Variants in UIMC1 observed in about 807,000 individuals in gnomAD.
UIMC1 encodes ubiquitin interaction motif containing 1.
In UIMC1, 42 loss-of-function variants were observed where a neutral mutation model predicts 84.9. That is an observed-to-expected ratio of 0.49 (90% CI 0.39 to 0.64). The LOEUF (loss-of-function observed/expected upper bound fraction) is 0.64, where lower values mean the gene tolerates loss of function less well. Ranked by LOEUF, UIMC1 falls within the 30% of genes least tolerant of loss-of-function variation. UIMC1 has a pLI of 0.00. For synonymous variants in UIMC1, 281 were observed against 293.0 expected, an observed-to-expected ratio of 0.96 and a Z score of 0.42; for missense variants, 825 against 847.6, an observed-to-expected ratio of 0.97 and a Z score of 0.33.
Position 176,980,987 on chromosome 5 carries a change from T to C in UIMC1, c.147+1482A>G, listed in dbSNP as rs528135647. Among the ~76,000 whole-genome samples the C allele has an allele frequency of 2.6e-5, 4 of 151,730 alleles. No individual in the cohort carries two copies. The East Asian group carries it at 7.7e-4, about 29-fold the overall frequency. On this transcript the variant is annotated intron_variant, in intron 2 of 14. Coordinates refer to ENST00000511320, the MANE Select transcript of UIMC1 (RefSeq NM_001199298.2). ...AACGCCTGGCCTCAAGCAATCCTCC[T>C]GTCTAAGCTTCCCGAAGCACTGGGA...
At chr5:176,907,861 G>GT (rs1759599318) in intron 12 of UIMC1, among the ~76,000 whole-genome samples, 1 of 152,138 alleles carries the variant, frequency 6.6e-6, no homozygotes, top group African/African-American at 2.4e-5. Flanking sequence ...TAATAGTTCC[G>GT]TATCAGAAAA....
intron 7 of UIMC1, among the ~76,000 whole-genome samples, chr5:176,956,912 CCAGA>C (rs1253223972): frequency 2.6e-5 from 4 of 151,950 alleles, no homozygotes; most frequent in Non-Finnish European, 4.4e-5. Flanking sequence ...TAAACCCCAG[CCAGA>C]CAGTTTACTC....
At chr5:176,982,652 A>G in intron 1 of UIMC1, 29 bp from the exon 2 acceptor site, 1 of 1,582,454 alleles carries the variant, frequency 6.3e-7, no homozygotes, top group Admixed American at 2.0e-5. Flanking sequence ...AATTTTGTCT[A>G]GAATAAAAAG....
In UIMC1 at chr5:176,969,677, G is replaced by A. The variant is rs1201337773; in HGVS notation, c.387C>T (p.Thr129=). 1.2e-6 allele frequency: 2 copies of A among 1,614,098 alleles called. No homozygotes were observed. Residue 129 remains threonine (T), a synonymous_variant, in exon 5 of 15, where the codon ACC becomes ACT. Coordinates refer to ENST00000511320, the MANE Select transcript of UIMC1 (RefSeq NM_001199298.2). ...NSCRPSDASA[T]RSRPLATGPS... is the part of the protein sequence containing the mutation. ...GTCCAGTGGCCAGAGGTCGAGATCT[G>A]GTAGCGGAAGCATCAGAAGGCCGGC...
intron 1 of UIMC1, among the ~76,000 whole-genome samples, chr5:176,982,943 C>G (rs1250035391): frequency 6.6e-6 from 1 of 152,170 alleles, no homozygotes; most frequent in Non-Finnish European, 1.5e-5. Context: ...AGGTGATCCA[C>G]CCGTGTCAGC....
Position 176,943,453 on chromosome 5 carries a change from A to C in UIMC1, c.1479T>G (p.Ala493=), listed in dbSNP as rs1380665574. 1.2e-6 allele frequency: 2 copies of C among 1,614,020 alleles called. No homozygotes were observed. Among genetic ancestry groups the C allele is most frequent in the African/African-American group, 1.3e-5 (1 of 74,930 alleles). ...GGTTACTGGATGAGAAGGTAGAAATAGCTACTTCCTTCTCAGCATCTTCCT... is the reference window on the plus strand; with the variant it reads ...GGTTACTGGATGAGAAGGTAGAAATCGCTACTTCCTTCTCAGCATCTTCCT... The part of the protein sequence containing the change: ...GNKEDAEKEV[A]ISTFSSSNQV... The change falls in exon 10 of 15, where the codon GCT becomes GCG. Residue 493 remains alanine (A), a synonymous_variant. Coordinates refer to ENST00000511320, the MANE Select transcript of UIMC1 (RefSeq NM_001199298.2).
At chr5:177,015,546 G>A (rs777419872) in intron 1 of UIMC1, among the ~76,000 whole-genome samples, 5 of 152,190 alleles carry the variant, frequency 3.3e-5, no homozygotes, top group African/African-American at 4.8e-5. Flanking sequence ...GTGATGAGGA[G>A]GAGCAACCTT....
chr5:176,992,407 T>G (rs1773003392), intron 1 of UIMC1, among the ~76,000 whole-genome samples: 1 of 149,630 alleles, frequency 6.7e-6, no homozygotes, highest in Non-Finnish European at 1.5e-5. Context: ...GAAGGATCAC[T>G]AGAACTCAAG....
intron 1 of UIMC1, among the ~76,000 whole-genome samples, chr5:177,000,760 A>G (rs1161326042): frequency 1.3e-5 from 2 of 152,000 alleles, no homozygotes; most frequent in African/African-American, 4.8e-5. Flanking sequence ...TCGGACTCCC[A>G]AAGTGCTGGG....
In UIMC1 at chr5:176,969,686, A is replaced by T; in HGVS notation, c.378T>A (p.Ala126=). 1 of 1,614,192 alleles carries T rather than the reference A, an allele frequency of 6.2e-7. No homozygotes were observed. The highest frequency in any genetic ancestry group is 2.2e-5 in the East Asian group (1 of 44,884). The change falls in exon 5 of 15, where the codon GCT becomes GCA. Residue 126 remains alanine (A), a synonymous_variant. Transcript: ENST00000511320. ...CCAGAGGTCGAGATCTGGTAGCGGA[A>T]GCATCAGAAGGCCGGCAACTCTGAA... ...ESLNSCRPSD[A]SATRSRPLAT... is the part of the protein sequence containing the mutation.
intron 10 of UIMC1, among the ~76,000 whole-genome samples, chr5:176,912,686 G>C (rs1356836631): frequency 6.8e-6 from 1 of 147,190 alleles, no homozygotes; most frequent in African/African-American, 2.5e-5. Context: ...TTTTTTTTGA[G>C]ATGGAGTCTC....
chr5:177,007,472 C>T (rs528543687), upstream of UIMC1, among the ~76,000 whole-genome samples: 12 of 152,120 alleles, frequency 7.9e-5, no homozygotes, highest in South Asian at 2.5e-3. Flanking sequence ...TCCAATAAGT[C>T]TCGCATAAAT....
At chr5:177,022,550 C>G (rs1025658305) in exon 1 of UIMC1, 2 of 586,836 alleles carry the variant, frequency 3.4e-6, no homozygotes, top group Non-Finnish European at 5.6e-6. Context: ...CGACAGGTTT[C>G]CGAATCCACG....
intron 9 of UIMC1, among the ~76,000 whole-genome samples, chr5:176,947,762 G>A (rs1006423089): frequency 6.6e-6 from 1 of 151,732 alleles, no homozygotes; most frequent in African/African-American, 2.4e-5. Flanking sequence ...AGCTTGCAGA[G>A]CCGAGATTGC....
At position 176,969,666 on chromosome 5, in the gene UIMC1, G is replaced by T; in HGVS notation, c.398C>A (p.Pro133His). The change falls in exon 5 of 15, where the codon CCT (proline) becomes CAT (histidine). Residue 133 changes from proline (P) to histidine (H), a missense_variant. Pro to His is a moderately conservative substitution (Grantham distance 77, BLOSUM62 -2). Transcript: ENST00000511320. Reference protein sequence around the residue: ...PSDASATRSRPLATGPSSQSH... With the variant: ...PSDASATRSRHLATGPSSQSH... ...CTGGGAAGACGGTCCAGTGGCCAGA[G>T]GTCGAGATCTGGTAGCGGAAGCATC... 6.2e-7 allele frequency: 1 copy of T among 1,614,108 alleles called. No individual in the cohort carries two copies. Among genetic ancestry groups the T allele is most frequent in the Non-Finnish European group, 8.5e-7 (1 of 1,180,024 alleles).
intron 1 of UIMC1, among the ~76,000 whole-genome samples, chr5:177,006,091 GGCGCCCCGAGGCGTGAGGCGGC>G (rs1775223047): frequency 3.9e-5 from 6 of 152,182 alleles, no homozygotes; most frequent in Admixed American, 3.9e-4. Flanking sequence ...GCGCGGGCCT[GGCGCCCCGAGGCGTGAGGCGGC>G]GCGGACCACG....
chr5:176,988,722 T>C (rs995859257), intron 1 of UIMC1, among the ~76,000 whole-genome samples: 1 of 150,236 alleles, frequency 6.7e-6, no homozygotes, highest in Non-Finnish European at 1.5e-5. Context: ...TCTTACTCTG[T>C]TGCCAGGCTG....
Position 176,909,269 on chromosome 5 carries a change from T to C in UIMC1, c.1677-575A>G, listed in dbSNP as rs573802255. Among the ~76,000 whole-genome samples the C allele has an allele frequency of 3.3e-5, 5 of 152,344 alleles. No individual in the cohort carries two copies. In the East Asian group the frequency reaches 9.6e-4, roughly 29 times the overall value. On this transcript the variant is annotated intron_variant, in intron 11 of 14. Coordinates refer to ENST00000511320, the MANE Select transcript of UIMC1 (RefSeq NM_001199298.2). ...TATATGCATAGCTATCTTTACCTTT[T>C]TTAAAAGAGCAGAGTTTGGGTAAAG...
chr5:176,986,859 G>A (rs1403446506), intron 1 of UIMC1, among the ~76,000 whole-genome samples: 1 of 151,640 alleles, frequency 6.6e-6, no homozygotes, highest in Non-Finnish European at 1.5e-5. Flanking sequence ...CAACTTAGAA[G>A]TAAAACTATC....
Sources: allele counts gnomAD v4.1 joint callset (sites outside exome capture counted in the v4.1 genomes callset), GRCh38; gene constraint gnomAD v4.1.1; transcripts MANE v1.5; gene names NCBI Gene and HGNC (gene_info 2026-07-23, HGNC 2026-07-21).